PAX5: variants seen among roughly 807,000 people sequenced by gnomAD.
PAX5 encodes paired box protein Pax-5.
A neutral mutation model predicts 43.7 loss-of-function variants in PAX5; 9 were observed. The observed-to-expected ratio is 0.21, with a 90% CI of 0.12 to 0.36. PAX5 has a LOEUF of 0.36. PAX5 is among the 10% of genes least tolerant of loss of function. PAX5 has a pLI of 1.00. For synonymous variants in PAX5, 228 were observed against 214.3 expected (o/e 1.06, Z -0.56); for missense variants, 383 against 532.7 (o/e 0.72, Z 2.77).
chr9:37,021,496 C>A (rs1231428424), intron 1 of PAX5, among the ~76,000 whole-genome samples: 1 of 152,218 alleles, frequency 6.6e-6, no homozygotes, highest in African/African-American at 2.4e-5. Flanking sequence ...TTCCACTCCA[C>A]TGCACGGGGA....
intron 7 of PAX5, among the ~76,000 whole-genome samples, chr9:36,917,837 G>C (rs1829842578): frequency 1.3e-5 from 2 of 152,134 alleles, no homozygotes; most frequent in African/African-American, 2.4e-5. Flanking sequence ...CTGTCTCTGG[G>C]TCACATTTTG....
chr9:36,986,202 C>T (rs914847843), intron 5 of PAX5, among the ~76,000 whole-genome samples: 3 of 151,570 alleles, frequency 2.0e-5, no homozygotes, highest in African/African-American at 7.3e-5. Flanking sequence ...ATAACAAACT[C>T]AATTGTTCTC....
At chr9:36,870,938 G>A (rs994780379) in intron 8 of PAX5, among the ~76,000 whole-genome samples, 1 of 152,236 alleles carries the variant, frequency 6.6e-6, no homozygotes, top group Non-Finnish European at 1.5e-5. Flanking sequence ...GTGCCCTCAG[G>A]GCAGGGGCTG....
intron 7 of PAX5, among the ~76,000 whole-genome samples, chr9:36,889,909 A>T (rs1165379861): frequency 4.3e-5 from 5 of 116,978 alleles, no homozygotes; most frequent in Non-Finnish European, 8.3e-5. Context: ...CATAGAGCCC[A>T]TTTCTAGGTA....
At position 37,015,601 on chromosome 9, in the gene PAX5, C is replaced by T. The variant is rs1029934499; in HGVS notation, c.213-407G>A. Among the ~76,000 whole-genome samples the T allele has an allele frequency of 1.0e-4, 15 of 147,084 alleles. No individual in the cohort carries two copies. The highest frequency in any genetic ancestry group is 2.0e-4 in the Admixed American group (3 of 14,752). On this transcript the variant is annotated intron_variant, in intron 2 of 9. Transcript: ENST00000358127. This position sits in a 1 kb window ranked among gnomAD's most constrained non-coding sequence, Gnocchi z 4.4. ...AGTATTTCTTTTTTTTTTTTTCAGA[C>T]GGAGTTTCGCTCTTGTTGCCCAGGC...
intron 6 of PAX5, among the ~76,000 whole-genome samples, chr9:36,958,745 C>G (rs1217417209): frequency 1.3e-5 from 2 of 151,984 alleles, no homozygotes; most frequent in East Asian, 1.9e-4. Flanking sequence ...TCTCTTTGCT[C>G]TCAAGGTAAT....
chr9:36,952,729 T>C (rs1032817614), intron 6 of PAX5, among the ~76,000 whole-genome samples: 10 of 152,192 alleles, frequency 6.6e-5, no homozygotes, highest in Admixed American at 5.9e-4. Context: ...CTATTCCTCT[T>C]CAATCATGTA....
chr9:36,924,666 G>A (rs931970817), intron 6 of PAX5, among the ~76,000 whole-genome samples: 2 of 148,890 alleles, frequency 1.3e-5, no homozygotes, highest in Non-Finnish European at 3.0e-5. Context: ...GCTGCAGTGA[G>A]CCATGATCAT....
chr9:36,992,550 G>A (rs10973159), intron 5 of PAX5, among the ~76,000 whole-genome samples: 5 of 152,146 alleles, frequency 3.3e-5, no homozygotes, highest in African/African-American at 1.2e-4. Flanking sequence ...GAGAAGGCTC[G>A]GTAGCTATGT....
rs532058168 is a variant in PAX5 at position 36,942,652 on chromosome 9, G to A, written c.781-19168C>T. On this transcript the variant is annotated intron_variant, in intron 6 of 9. Coordinates refer to ENST00000358127, the MANE Select transcript of PAX5 (RefSeq NM_016734.3). ...TGTTCTGCCTCTACCAGAGGGGTGT[G>A]GTTCTCATTCTTCTTCCTTTTTGCA... is the stretch of plus-strand genomic sequence containing the variant. Among the ~76,000 whole-genome samples the A allele has an allele frequency of 3.3e-5, 5 of 152,360 alleles. No homozygotes were observed. The East Asian group carries it at 9.6e-4, about 29-fold the overall frequency.
chr9:37,020,880 C>A, intron 1 of PAX5, 79 bp from the exon 2 acceptor site: 2 of 1,478,932 alleles, frequency 1.4e-6, no homozygotes, highest in Admixed American at 1.8e-5. Flanking sequence ...CTGTGAGGAC[C>A]CAGAGCCCCT....
chr9:37,010,132 G>A (rs1838800593), intron 3 of PAX5, among the ~76,000 whole-genome samples: 1 of 152,152 alleles, frequency 6.6e-6, no homozygotes, highest in Non-Finnish European at 1.5e-5. Context: ...TTTTAAATAT[G>A]ACAGGCTGTC....
intron 8 of PAX5, among the ~76,000 whole-genome samples, chr9:36,880,375 G>GC (rs1024158822): frequency 4.6e-5 from 7 of 152,224 alleles, no homozygotes; most frequent in African/African-American, 1.7e-4. Flanking sequence ...TAGGAGGATG[G>GC]CCCGGGGGAA....
chr9:36,952,234 C>T (rs1451757459), intron 6 of PAX5, among the ~76,000 whole-genome samples: 3 of 66,664 alleles, frequency 4.5e-5, no homozygotes, highest in African/African-American at 6.3e-5. Flanking sequence ...GACCATCTCC[C>T]TTTTTTTTTT....
At chr9:36,999,600 A>C (rs1011773525) in intron 5 of PAX5, among the ~76,000 whole-genome samples, 3 of 152,082 alleles carry the variant, frequency 2.0e-5, no homozygotes, top group African/African-American at 7.2e-5. Context: ...AGCCTCAGTC[A>C]CCTCATCCGA....
intron 7 of PAX5, among the ~76,000 whole-genome samples, chr9:36,902,806 A>G (rs1310254028): frequency 6.6e-6 from 1 of 152,154 alleles, no homozygotes; most frequent in Non-Finnish European, 1.5e-5. Flanking sequence ...TGTGCCAACC[A>G]TGGTTTTCTT....
intron 7 of PAX5, among the ~76,000 whole-genome samples, chr9:36,898,452 C>T (rs912969873): frequency 6.6e-6 from 1 of 152,170 alleles, no homozygotes; most frequent in Non-Finnish European, 1.5e-5. Flanking sequence ...CTTCTTCCCT[C>T]TGGTCTCCGG....
intron 7 of PAX5, among the ~76,000 whole-genome samples, chr9:36,916,202 A>G (rs939446935): frequency 1.3e-5 from 2 of 152,216 alleles, no homozygotes; most frequent in African/African-American, 2.4e-5. Context: ...TCTCAACGTC[A>G]TTAACTAAAT....
At chr9:36,950,827 G>A (rs533186829) in intron 6 of PAX5, among the ~76,000 whole-genome samples, 7 of 141,238 alleles carry the variant, frequency 5.0e-5, no homozygotes, top group African/African-American at 1.6e-4. Flanking sequence ...TGCAACCTCC[G>A]CCTTCCAGGT....
Sources: allele counts gnomAD v4.1 joint callset (sites outside exome capture counted in the v4.1 genomes callset), GRCh38; gene constraint gnomAD v4.1.1; non-coding constraint Gnocchi (gnomAD v3.1); transcripts MANE v1.5; gene names NCBI Gene and HGNC (gene_info 2026-07-23, HGNC 2026-07-21).